The following ITGB8 variants were observed in gnomAD, a reference collection of about 807,000 sequenced individuals.
ITGB8 encodes integrin beta-8.
In ITGB8, 30 loss-of-function variants were observed where a neutral mutation model predicts 89.5. That is an observed-to-expected ratio of 0.34 (90% CI 0.25 to 0.45). ITGB8 has a LOEUF of 0.45. Ranked by LOEUF, ITGB8 falls within the 20% of genes least tolerant of loss-of-function variation. The pLI is 1.00. For synonymous variants in ITGB8, 335 were observed against 320.4 expected (o/e 1.05, Z -0.49); for missense variants, 836 against 933.3 (o/e 0.90, Z 1.36).
intron 12 of ITGB8, among the ~76,000 whole-genome samples, chr7:20,407,395 C>G (rs1304135353): frequency 1.3e-5 from 2 of 151,716 alleles, no homozygotes; most frequent in African/African-American, 4.8e-5. Flanking sequence ...TATTTAGAAC[C>G]CAGAACCTTA....
intron 6 of ITGB8, 126 bp from the exon 7 acceptor site, chr7:20,391,277 C>T (rs10227623): frequency 0.93 from 407,592 of 439,118 alleles, 189,431 homozygotes; most frequent in East Asian, 1. Flanking sequence ...TAAATGTCTT[C>T]AGTAAAACCA....
chr7:20,341,761 C>T (rs563773682), intron 1 of ITGB8, among the ~76,000 whole-genome samples: 1 of 152,096 alleles, frequency 6.6e-6, no homozygotes, highest in African/African-American at 2.4e-5. Context: ...GATGCCAGAA[C>T]TCACTTGCCT....
intron 10 of ITGB8, among the ~76,000 whole-genome samples, chr7:20,403,442 C>T (rs1787394584): frequency 6.6e-6 from 1 of 152,180 alleles, no homozygotes; most frequent in African/African-American, 2.4e-5. Flanking sequence ...TACTGACCCA[C>T]AAGCAGTTGA....
chr7:20,403,319 G>A (rs1223591359), intron 10 of ITGB8, among the ~76,000 whole-genome samples: 1 of 152,180 alleles, frequency 6.6e-6, no homozygotes, highest in Non-Finnish European at 1.5e-5. Context: ...CTGAAGTCAC[G>A]TCCCACAGCT....
At chr7:20,370,039 C>G (rs1363328914) in intron 3 of ITGB8, among the ~76,000 whole-genome samples, 1 of 149,578 alleles carries the variant, frequency 6.7e-6, no homozygotes, top group African/African-American at 2.5e-5. Context: ...AGAAGATAAA[C>G]AAAAAAAACA....
chr7:20,362,152 C>G (rs1352384180), intron 1 of ITGB8, among the ~76,000 whole-genome samples: 1 of 152,210 alleles, frequency 6.6e-6, no homozygotes, highest in Non-Finnish European at 1.5e-5. Flanking sequence ...TCTTCTCCTA[C>G]TACCTTCCCC....
chr7:20,336,044 C>A (rs1232798279), intron 1 of ITGB8, among the ~76,000 whole-genome samples: 2 of 113,970 alleles, frequency 1.8e-5, no homozygotes, highest in Non-Finnish European at 3.3e-5. Context: ...CTTGCTCTGT[C>A]GCCCAGGCTG....
At position 20,367,782 on chromosome 7, in the gene ITGB8, T is replaced by G. The variant is rs112975843; in HGVS notation, c.388+596T>G. On this transcript the variant is annotated intron_variant, in intron 3 of 13. Coordinates refer to ENST00000222573, the MANE Select transcript of ITGB8 (RefSeq NM_002214.3). Reference sequence around the variant, plus strand: ...TGAGATTAGTATACACCTTTTCTCCTATACCTCTTTTGTACTTCCCCTTCC... The same window carrying G: ...TGAGATTAGTATACACCTTTTCTCCGATACCTCTTTTGTACTTCCCCTTCC... Among the ~76,000 whole-genome samples the G allele has an allele frequency of 1.9e-3, 283 of 152,320 alleles. 5 individuals are homozygous for G. Among genetic ancestry groups the G allele is most frequent in the African/African-American group, 6.6e-3 (273 of 41,578 alleles).
Position 20,360,304 on chromosome 7 carries a change from T to C in ITGB8, c.128-3333T>C, listed in dbSNP as rs139514423. On this transcript the variant is annotated intron_variant, in intron 1 of 13. Coordinates refer to ENST00000222573, the MANE Select transcript of ITGB8 (RefSeq NM_002214.3). Reference sequence around the variant, plus strand: ...CAATTGTTAGAAACAAAGACTGGAGTCCTAGATTCCACAGCTTCCCTTCCA... The same window carrying C: ...CAATTGTTAGAAACAAAGACTGGAGCCCTAGATTCCACAGCTTCCCTTCCA... Among the ~76,000 whole-genome samples, 80 of 150,866 alleles carry C rather than the reference T, an allele frequency of 5.3e-4. 1 individual carries two copies. The highest frequency in any genetic ancestry group is 1.8e-3 in the African/African-American group (76 of 41,168).
At chr7:20,389,998 A>T (rs907423129) in intron 6 of ITGB8, among the ~76,000 whole-genome samples, 8 of 152,180 alleles carry the variant, frequency 5.3e-5, no homozygotes, top group African/African-American at 1.7e-4. Context: ...TGTTTCTATC[A>T]CAACAATTAT....
In ITGB8 at chr7:20,410,443, C is replaced by A; in HGVS notation, c.*446C>A. Reference sequence around the variant, plus strand: ...ATCTGGCAAGTATATTCTAAGGTTGCCAAACACTTCAACAGTTGGTGGTTG... The same window carrying A: ...ATCTGGCAAGTATATTCTAAGGTTGACAAACACTTCAACAGTTGGTGGTTG... On this transcript the variant is annotated 3_prime_UTR_variant, in exon 14 of 14. Coordinates refer to ENST00000222573, the MANE Select transcript of ITGB8 (RefSeq NM_002214.3). The A allele has an allele frequency of 6.4e-6, 1 of 157,000 alleles. No homozygotes were observed. The highest frequency in any genetic ancestry group is 1.4e-5 in the Non-Finnish European group (1 of 71,468). The allele number at this position is 157,000 out of a possible 1,614,324, so 9.7% of individuals were successfully genotyped here.
Position 20,331,954 on chromosome 7 carries a change from T to C in ITGB8, c.127+21T>C, listed in dbSNP as rs754738505. The C allele has an allele frequency of 4.3e-6, 7 of 1,613,088 alleles. No homozygotes were observed. The East Asian group carries it at 6.7e-5, about 15-fold the overall frequency. ...AGGTGGTAAGTTGTTTTGTTTTGTT[T>C]TGTTTTCTTCTCTTCCCCAAAGGTC... On this transcript the variant is annotated intron_variant, in intron 1 of 13. Coordinates refer to ENST00000222573, the MANE Select transcript of ITGB8 (RefSeq NM_002214.3).
intron 1 of ITGB8, among the ~76,000 whole-genome samples, chr7:20,334,158 T>G (rs895027409): frequency 2.0e-5 from 3 of 152,152 alleles, no homozygotes; most frequent in Non-Finnish European, 4.4e-5. Flanking sequence ...GTGGGGGATG[T>G]TATTAATCAA....
intron 1 of ITGB8, among the ~76,000 whole-genome samples, chr7:20,351,029 T>G (rs1248017338): frequency 6.6e-6 from 1 of 152,182 alleles, no homozygotes; most frequent in Non-Finnish European, 1.5e-5. Context: ...ACCAAAGTAT[T>G]TAGGAGAGTC....
chr7:20,339,853 C>T (rs1784695760), intron 1 of ITGB8, among the ~76,000 whole-genome samples: 1 of 152,020 alleles, frequency 6.6e-6, no homozygotes, highest in Non-Finnish European at 1.5e-5. Context: ...TATGGTGAAA[C>T]CCTGTCTCTA....
intron 1 of ITGB8, among the ~76,000 whole-genome samples, chr7:20,332,855 GAGTTCT>G (rs1424679450): frequency 2.0e-5 from 3 of 152,058 alleles, no homozygotes; most frequent in African/African-American, 7.2e-5. Flanking sequence ...AGTTTAGGAT[GAGTTCT>G]TAATGGTTTT....
At chr7:20,353,948 A>G (rs978092973) in intron 1 of ITGB8, among the ~76,000 whole-genome samples, 8 of 145,880 alleles carry the variant, frequency 5.5e-5, no homozygotes, top group Non-Finnish European at 4.4e-5. Flanking sequence ...AAAAAAAAAA[A>G]AAAAAAAAGA....
intron 10 of ITGB8, among the ~76,000 whole-genome samples, chr7:20,403,880 T>C (rs1454776733): frequency 2.0e-5 from 3 of 152,226 alleles, no homozygotes; most frequent in East Asian, 1.9e-4. Flanking sequence ...TGACGATTTC[T>C]AGTGCACATT....
chr7:20,389,046 C>T (rs1383172869), intron 6 of ITGB8, among the ~76,000 whole-genome samples: 1 of 152,116 alleles, frequency 6.6e-6, no homozygotes, highest in African/African-American at 2.4e-5. Context: ...CATTGATGGG[C>T]ATTTGGGTTG....
Sources: allele counts gnomAD v4.1 joint callset (sites outside exome capture counted in the v4.1 genomes callset), GRCh38; gene constraint gnomAD v4.1.1; transcripts MANE v1.5; gene names NCBI Gene and HGNC (gene_info 2026-07-23, HGNC 2026-07-21).